SLC5A4: variants seen among roughly 807,000 people sequenced by gnomAD.
SLC5A4 encodes solute carrier family 5 member 4.
In SLC5A4, 55 loss-of-function variants were observed where a neutral mutation model predicts 70.3. The ratio of observed to expected loss-of-function variants is 0.78; its 90% confidence interval spans 0.63 to 0.98. SLC5A4 has a LOEUF of 0.98. Ranked by LOEUF, SLC5A4 falls within the 50% of genes least tolerant of loss-of-function variation. SLC5A4 has a pLI of 0.00. For synonymous variants in SLC5A4, 268 were observed against 305.7 expected (o/e 0.88, Z 1.29); for missense variants, 735 against 839.2 (o/e 0.88, Z 1.53).
the SLC5A4 span, among the ~76,000 whole-genome samples, chr22:32,305,737 ACT>A: frequency 6.2e-5 from 8 of 129,074 alleles, no homozygotes; most frequent in Admixed American, 2.8e-4. Context: ...AAAGGTGGTT[ACT>A]CTGTCCCCTT....
chr22:32,226,427 T>C (rs975830198), intron 11 of SLC5A4, among the ~76,000 whole-genome samples: 1 of 152,224 alleles, frequency 6.6e-6, no homozygotes, highest in Non-Finnish European at 1.5e-5. Flanking sequence ...TGTGAGTAAA[T>C]GAACCGACGC....
chr22:32,352,363 C>T, the SLC5A4 span, among the ~76,000 whole-genome samples: 5 of 150,032 alleles, frequency 3.3e-5, no homozygotes, highest in South Asian at 2.1e-4. Context: ...CACATGGATA[C>T]ATATGTAACA....
At chr22:32,237,167 A>T in intron 7 of SLC5A4, 77 bp downstream of exon 7, 1 of 997,294 alleles carries the variant, frequency 1.0e-6, no homozygotes, top group Non-Finnish European at 1.6e-6. Context: ...GCATCCCAAT[A>T]AAGAGCAGAC....
chr22:32,350,776 GACCTTAAAAATAATTTTAA>G, the SLC5A4 span, among the ~76,000 whole-genome samples: 1 of 151,556 alleles, frequency 6.6e-6, no homozygotes, highest in South Asian at 2.1e-4. Context: ...ACATATTCAT[GACCTTAAAAATAATTTTAA>G]AAGTGTAAAA....
chr22:32,245,804 C>A (rs1022487391), intron 5 of SLC5A4, among the ~76,000 whole-genome samples: 1 of 152,216 alleles, frequency 6.6e-6, no homozygotes, highest in Admixed American at 6.5e-5. Context: ...CAGGCGTGAG[C>A]CACTGCGCCC....
chr22:32,330,974 G>T, the SLC5A4 span, among the ~76,000 whole-genome samples: 2 of 2,046 alleles, frequency 9.8e-4, no homozygotes, highest in African/African-American at 2.3e-3. Context: ...TGGGGGCACT[G>T]GTGTGTGTGT....
At position 32,218,722 on chromosome 22, in the gene SLC5A4, T is replaced by C; in HGVS notation, c.1772A>G (p.Tyr591Cys). 1 of 1,612,848 alleles carries C rather than the reference T, an allele frequency of 6.2e-7. No homozygotes were observed. The highest frequency in any genetic ancestry group is 1.1e-5 in the South Asian group (1 of 91,018). ...GAGGCATCCACGTGATTTCTCAGGA[T>C]AATCTGGAACAAAGATAAGCAAATG... is the stretch of plus-strand genomic sequence containing the variant. ...EETDDGVEED[Y>C]PEKSRGCLKK... The change falls in exon 15 of 15, where the codon TAT (tyrosine) becomes TGT (cysteine). Residue 591 changes from tyrosine to cysteine, a missense_variant. Physicochemically the swap from Tyr to Cys is radical, Grantham distance 194. Coordinates refer to ENST00000266086, the MANE Select transcript of SLC5A4 (RefSeq NM_014227.3).
At chr22:32,310,576 C>T in the SLC5A4 span, among the ~76,000 whole-genome samples, 1 of 152,162 alleles carries the variant, frequency 6.6e-6, no homozygotes. Context: ...TAATTGAGAC[C>T]CCCCAGCACA....
At chr22:32,310,528 A>G in the SLC5A4 span, among the ~76,000 whole-genome samples, 1 of 131,814 alleles carries the variant, frequency 7.6e-6, no homozygotes, top group African/African-American at 2.8e-5. Flanking sequence ...GTGCCCTGGG[A>G]TTGCTCATGT....
chr22:32,287,817 T>A, the SLC5A4 span, among the ~76,000 whole-genome samples: 13 of 151,758 alleles, frequency 8.6e-5, no homozygotes, highest in African/African-American at 3.1e-4. Flanking sequence ...TACCCCTATC[T>A]GTCTTCATTC....
At chr22:32,288,654 C>G in the SLC5A4 span, among the ~76,000 whole-genome samples, 8 of 152,228 alleles carry the variant, frequency 5.3e-5, no homozygotes, top group Non-Finnish European at 8.8e-5. Flanking sequence ...TCAAGTGATT[C>G]TCCTGCCTCA....
At chr22:32,290,687 G>A in the SLC5A4 span, among the ~76,000 whole-genome samples, 1 of 152,154 alleles carries the variant, frequency 6.6e-6, no homozygotes, top group Non-Finnish European at 1.5e-5. Flanking sequence ...ACTGGCAGAT[G>A]TGGGGTGTGC....
At chr22:32,287,339 A>G in the SLC5A4 span, among the ~76,000 whole-genome samples, 1 of 152,194 alleles carries the variant, frequency 6.6e-6, no homozygotes, top group Admixed American at 6.5e-5. Context: ...ACAAGGAACA[A>G]GGGACTTCTT....
the SLC5A4 span, among the ~76,000 whole-genome samples, chr22:32,336,306 C>T: frequency 6.6e-6 from 1 of 152,206 alleles, no homozygotes; most frequent in Non-Finnish European, 1.5e-5. Context: ...GAGCTGGAGG[C>T]GTATTCACGA....
chr22:32,334,062 A>G, the SLC5A4 span, among the ~76,000 whole-genome samples: 3 of 147,042 alleles, frequency 2.0e-5, no homozygotes, highest in South Asian at 2.2e-4. Flanking sequence ...GACTCACACA[A>G]TATACACACA....
the SLC5A4 span, among the ~76,000 whole-genome samples, chr22:32,292,391 G>A: frequency 1.4e-5 from 2 of 146,128 alleles, no homozygotes; most frequent in African/African-American, 5.1e-5. Context: ...GTACATACTA[G>A]ATATATATTT....
At chr22:32,305,475 C>G in the SLC5A4 span, among the ~76,000 whole-genome samples, 1 of 148,916 alleles carries the variant, frequency 6.7e-6, no homozygotes, top group African/African-American at 2.5e-5. Flanking sequence ...TGGAGAAAAA[C>G]AGTATTTGCC....
At chr22:32,311,255 G>A in the SLC5A4 span, among the ~76,000 whole-genome samples, 1 of 152,210 alleles carries the variant, frequency 6.6e-6, no homozygotes, top group East Asian at 1.9e-4. Context: ...GCAGGGACCT[G>A]CCTTGCTCAC....
chr22:32,241,070 G>A (rs1324695536), intron 5 of SLC5A4, among the ~76,000 whole-genome samples: 1 of 152,246 alleles, frequency 6.6e-6, no homozygotes, highest in African/African-American at 2.4e-5. Flanking sequence ...GACGGCAGGT[G>A]CAACCTGCCA....
Sources: gnomAD v4.1 joint callset for allele counts (sites outside exome capture counted in the v4.1 genomes callset) on GRCh38, gnomAD v4.1.1 for gene constraint, MANE v1.5 for transcripts, NCBI Gene and HGNC (gene_info 2026-07-23, HGNC 2026-07-21) for gene names.